The following NPAS3 variants were observed in gnomAD, a reference collection of about 807,000 sequenced individuals.
NPAS3 encodes the protein neuronal PAS domain protein 3, also known as neuronal PAS domain-containing protein 3.
In NPAS3, 14 loss-of-function variants were observed where a neutral mutation model predicts 73.1. The ratio of observed to expected loss-of-function variants is 0.19; its 90% CI spans 0.13 to 0.30. The LOEUF (loss-of-function observed/expected upper bound fraction) is 0.30. NPAS3 is among the 10% of genes least tolerant of loss of function. The probability of loss-of-function intolerance (pLI) is 1.00; values close to 1 mark genes in which losing one functional copy is unlikely to be tolerated. For missense variants in NPAS3, 1,096 were observed against 1,250.0 expected (o/e 0.88, Z 1.86); for synonymous variants, 620 against 541.5 (o/e 1.14, Z -2.01).
chr14:32,971,088 C>CTTTTTTTT (rs61429455), intron 1 of NPAS3, among the ~76,000 whole-genome samples: 1 of 142,178 alleles, frequency 7.0e-6, no homozygotes. Context: ...TTTCTTTTTT[C>CTTTTTTTT]TTTTTTTTTT....
intron 2 of NPAS3, among the ~76,000 whole-genome samples, chr14:33,194,787 C>T (rs959586749): frequency 2.0e-5 from 3 of 151,988 alleles, no homozygotes; most frequent in Non-Finnish European, 4.4e-5. Flanking sequence ...CTACTTTGGC[C>T]GCTCAGGTTT....
intron 5 of NPAS3, among the ~76,000 whole-genome samples, chr14:33,633,168 C>G (rs1479669927): frequency 6.6e-6 from 1 of 151,950 alleles, no homozygotes; most frequent in Non-Finnish European, 1.5e-5. Context: ...ATGCATATAC[C>G]ATGCAATTTA....
chr14:33,216,059 T>C (rs1468255964), intron 3 of NPAS3, among the ~76,000 whole-genome samples: 1 of 152,230 alleles, frequency 6.6e-6, no homozygotes, highest in Admixed American at 6.5e-5. Flanking sequence ...TCTTGTGTGT[T>C]CCTGAAATTC....
At chr14:33,510,755 C>T (rs2053010174) in intron 4 of NPAS3, among the ~76,000 whole-genome samples, 1 of 152,046 alleles carries the variant, frequency 6.6e-6, no homozygotes, top group African/African-American at 2.4e-5. Context: ...CCGCTTTCCC[C>T]TTCTAAGGTG....
At chr14:33,126,736 T>G (rs1276446385) in intron 2 of NPAS3, among the ~76,000 whole-genome samples, 1 of 152,092 alleles carries the variant, frequency 6.6e-6, no homozygotes, top group Non-Finnish European at 1.5e-5. Context: ...TAGGTTCCTC[T>G]GTCACTTAAT....
At chr14:33,493,088 GC>G (rs2051982978) in intron 4 of NPAS3, among the ~76,000 whole-genome samples, 1 of 152,104 alleles carries the variant, frequency 6.6e-6, no homozygotes, top group South Asian at 2.1e-4. Flanking sequence ...AGCTTTGTGC[GC>G]AAAAACCATC....
At chr14:33,418,579 T>G (rs982505638) in intron 4 of NPAS3, among the ~76,000 whole-genome samples, 20 of 152,042 alleles carry the variant, frequency 1.3e-4, no homozygotes, top group Non-Finnish European at 2.4e-4. Flanking sequence ...TAAAAATATT[T>G]GTATTTCTCT....
intron 7 of NPAS3, among the ~76,000 whole-genome samples, chr14:33,761,417 G>C (rs937842301): frequency 6.6e-6 from 1 of 151,730 alleles, no homozygotes; most frequent in Non-Finnish European, 1.5e-5. Flanking sequence ...TGCACTTCAA[G>C]AGCCATATGC....
intron 3 of NPAS3, among the ~76,000 whole-genome samples, chr14:33,328,896 T>C (rs1172759434): frequency 6.6e-6 from 1 of 152,054 alleles, no homozygotes; most frequent in African/African-American, 2.4e-5. Flanking sequence ...TAACATAGAG[T>C]TTTTCCAACG....
chr14:33,293,211 T>C (rs2042168645), intron 3 of NPAS3, among the ~76,000 whole-genome samples: 1 of 152,132 alleles, frequency 6.6e-6, no homozygotes, highest in Admixed American at 6.5e-5. Context: ...TCTTAAGATA[T>C]AGAAAAGAAA....
intron 6 of NPAS3, among the ~76,000 whole-genome samples, chr14:33,706,872 G>A (rs1018463499): frequency 6.6e-6 from 1 of 152,124 alleles, no homozygotes; most frequent in African/African-American, 2.4e-5. Flanking sequence ...TAACCTCAAA[G>A]AAGGAAACAA....
chr14:33,250,158 G>T (rs1273261270), intron 3 of NPAS3, among the ~76,000 whole-genome samples: 2 of 152,064 alleles, frequency 1.3e-5, no homozygotes, highest in Non-Finnish European at 2.9e-5. Flanking sequence ...ATAACATGCT[G>T]TTACAAGCCT....
At chr14:33,584,241 T>C (rs2056781519) in intron 5 of NPAS3, among the ~76,000 whole-genome samples, 1 of 152,178 alleles carries the variant, frequency 6.6e-6, no homozygotes, top group Admixed American at 6.5e-5. Flanking sequence ...GATATTTTGG[T>C]AACAGAATTT....
intron 5 of NPAS3, chr14:33,608,757 A>G (rs2057658007): frequency 6.6e-6 from 1 of 152,202 alleles, no homozygotes; most frequent in Non-Finnish European, 1.5e-5. Context: ...TATGCCTAGT[A>G]TCCGTTAGCT....
chr14:33,315,329 G>A (rs1308270668), intron 3 of NPAS3, among the ~76,000 whole-genome samples: 1 of 152,016 alleles, frequency 6.6e-6, no homozygotes, highest in East Asian at 1.9e-4. Context: ...TAGATAATAT[G>A]TATTAGTTGT....
chr14:33,503,913 G>A (rs1209608668), intron 4 of NPAS3, among the ~76,000 whole-genome samples: 1 of 151,978 alleles, frequency 6.6e-6, no homozygotes, highest in Non-Finnish European at 1.5e-5. Context: ...TCTGCTAAAA[G>A]CTAATTGGTA....
intron 2 of NPAS3, among the ~76,000 whole-genome samples, chr14:33,113,441 G>C (rs1471231846): frequency 6.6e-6 from 1 of 152,138 alleles, no homozygotes; most frequent in East Asian, 1.9e-4. Flanking sequence ...TTGTGAATGG[G>C]AGTCACTCAT....
intron 5 of NPAS3, among the ~76,000 whole-genome samples, chr14:33,673,356 T>C (rs911697250): frequency 1.3e-5 from 2 of 152,208 alleles, no homozygotes; most frequent in African/African-American, 4.8e-5. Context: ...CAAAAGATTG[T>C]TATGAGGATT....
intron 3 of NPAS3, among the ~76,000 whole-genome samples, chr14:33,219,456 C>A (rs1328523994): frequency 6.6e-6 from 1 of 152,054 alleles, no homozygotes. Context: ...TGACAGGTAA[C>A]AATGCTAAAA....
Sources: allele counts gnomAD v4.1 joint callset (sites outside exome capture counted in the v4.1 genomes callset), GRCh38; gene constraint gnomAD v4.1.1; transcripts MANE v1.5; gene names NCBI Gene and HGNC (gene_info 2026-07-23, HGNC 2026-07-21).